Variants in MIA3 observed in about 807,000 individuals in gnomAD.
The protein encoded by MIA3 is transport and Golgi organization protein 1 homolog.
A neutral mutation model predicts 192.4 loss-of-function variants in MIA3; 90 were observed. The observed-to-expected ratio is 0.47, with a 90% confidence interval of 0.39 to 0.56. The LOEUF (loss-of-function observed/expected upper bound fraction) is 0.56, where lower values mean the gene tolerates loss of function less well. Ranked by LOEUF, MIA3 falls within the 20% of genes least tolerant of loss-of-function variation. MIA3 has a pLI of 0.00. For missense variants in MIA3, 2,123 were observed against 2,269.4 expected (o/e 0.94, Z 1.31); for synonymous variants, 740 against 792.8 (o/e 0.93, Z 1.12).
At chr1:222,661,842 AT>A (rs1285343553) in intron 24 of MIA3, among the ~76,000 whole-genome samples, 1 of 152,218 alleles carries the variant, frequency 6.6e-6, no homozygotes, top group Non-Finnish European at 1.5e-5. Flanking sequence ...AACCAGAGCC[AT>A]TAATGTGCAG....
chr1:222,650,355 A>C lies in MIA3; in HGVS notation c.3695A>C (p.Gln1232Pro), dbSNP rs1317848875. ...ATGAAAGAAAATACAGAACTTGTAC[A>C]AAAATTGTCAAATTATGAACAGAAG... Reference protein sequence around the residue: ...TIMKENTELVQKLSNYEQKIK... With the variant: ...TIMKENTELVPKLSNYEQKIK... The change falls in exon 9 of 28, where the codon CAA (glutamine) becomes CCA (proline). Residue 1232 changes from glutamine to proline, a missense_variant. Coordinates refer to ENST00000344922, the MANE Select transcript of MIA3 (RefSeq NM_198551.4). 6.3e-7 allele frequency: 1 copy of C among 1,593,260 alleles called. No homozygotes were observed. The highest frequency in any genetic ancestry group is 1.3e-5 in the African/African-American group (1 of 74,298).
At position 222,636,506 on chromosome 1, in the gene MIA3, C is replaced by CTTT. The variant is rs34208115; in HGVS notation, c.3477+3279_3477+3281dup. On this transcript the variant is annotated intron_variant, in intron 6 of 27. Coordinates refer to ENST00000344922, the MANE Select transcript of MIA3 (RefSeq NM_198551.4). ...AACTCTACTTGTTCCTAGTGTCCATCTTTTTTTTTTTTTTTTTTTTTTTTG... is the reference window on the plus strand; with the variant it reads ...AACTCTACTTGTTCCTAGTGTCCATCTTTTTTTTTTTTTTTTTTTTTTTTTTTG... 1.9e-3 allele frequency among the ~76,000 whole-genome samples: 141 copies of CTTT among 74,006 alleles called. 1 individual carries two copies. The highest frequency in any genetic ancestry group is 3.1e-3 in the African/African-American group (73 of 23,358). 48.6% of individuals were successfully genotyped at this position (74,006 alleles called of 152,430 possible).
chr1:222,655,788 A>G (rs889311210), intron 18 of MIA3, among the ~76,000 whole-genome samples: 1 of 151,948 alleles, frequency 6.6e-6, no homozygotes, highest in Non-Finnish European at 1.5e-5. Context: ...TTTCTTCGTG[A>G]TACAGTTAAC....
Position 222,618,134 on chromosome 1 carries a change from C to T in MIA3, c.24C>T (p.Leu8=). 2.0e-6 allele frequency: 3 copies of T among 1,503,682 alleles called. No homozygotes were observed. Among genetic ancestry groups the T allele is most frequent in the Non-Finnish European group, 2.7e-6 (3 of 1,129,176 alleles). The allele number at this position is 1,503,682 out of a possible 1,614,324, so 93.1% of individuals were successfully genotyped here. A position where few individuals can be genotyped will look rare whatever the true frequency, so the allele number is the denominator to read the frequency against. Residue 8 remains leucine, a synonymous_variant, in exon 1 of 28, where the codon CTC becomes CTT. Coordinates refer to ENST00000344922, the MANE Select transcript of MIA3 (RefSeq NM_198551.4). The part of the protein sequence containing the change: MAAAPGL[L]VWLLVLRLPW... ...ACATGGCTGCGGCGCCTGGGCTGCTCGTCTGGCTGCTCGTGCTCCGGCTGC... is the reference window on the plus strand; with the variant it reads ...ACATGGCTGCGGCGCCTGGGCTGCTTGTCTGGCTGCTCGTGCTCCGGCTGC...
chr1:222,625,237 C>T (rs1662057917), intron 3 of MIA3, among the ~76,000 whole-genome samples: 1 of 152,164 alleles, frequency 6.6e-6, no homozygotes. Flanking sequence ...GATCTCCTGA[C>T]CTCATGATCC....
At chr1:222,660,558 C>G (rs185480805) in intron 24 of MIA3, 37 of 281,548 alleles carry the variant, frequency 1.3e-4, no homozygotes, top group African/African-American at 8.0e-4. Context: ...AGTGTAAGCC[C>G]TTATCTTTCA....
intron 6 of MIA3, chr1:222,644,442 G>A (rs1049208499): frequency 6.5e-7 from 1 of 1,550,312 alleles, no homozygotes; most frequent in South Asian, 1.2e-5. Context: ...CCATTCCGCA[G>A]GGAATTGTCG....
intron 3 of MIA3, among the ~76,000 whole-genome samples, chr1:222,626,847 A>G (rs990826258): frequency 5.3e-5 from 8 of 152,218 alleles, no homozygotes; most frequent in Non-Finnish European, 1.2e-4. Context: ...ATGTAGACTG[A>G]GAGCCTGACA....
chr1:222,655,611 T>G (rs1446737700), intron 18 of MIA3, among the ~76,000 whole-genome samples: 1 of 152,226 alleles, frequency 6.6e-6, no homozygotes, highest in Non-Finnish European at 1.5e-5. Context: ...TTTTCTCTAA[T>G]TCTTTGCTCA....
At chr1:222,651,424 G>T (rs193229831) in intron 11 of MIA3, among the ~76,000 whole-genome samples, 197 of 150,376 alleles carry the variant, frequency 1.3e-3, no homozygotes, top group African/African-American at 4.5e-3. Context: ...TTGGAAGGAA[G>T]TTACTATCGC....
chr1:222,634,078 G>C (rs1662526054), intron 6 of MIA3, among the ~76,000 whole-genome samples: 2 of 152,178 alleles, frequency 1.3e-5, no homozygotes, highest in Non-Finnish European at 2.9e-5. Context: ...CTGAGCCCAT[G>C]GGAGCTGCCC....
chr1:222,627,455 C>T (rs775836454), intron 3 of MIA3, 120 bp from the exon 4 acceptor site: 67 of 852,004 alleles, frequency 7.9e-5, no homozygotes, highest in Admixed American at 2.3e-4. Flanking sequence ...CCAGTGTTGA[C>T]GCAAAAGCTC....
At position 222,627,607 on chromosome 1, in the gene MIA3, A is replaced by C; in HGVS notation, c.387A>C (p.Arg129Ser). 1 of 1,579,808 alleles carries C rather than the reference A, an allele frequency of 6.3e-7. No homozygotes were observed. Among genetic ancestry groups the C allele is most frequent in the East Asian group, 2.2e-5 (1 of 44,724 alleles). ...ETDFVCFDGG[R>S]DDFHNYNVEE... The stretch of plus-strand genomic sequence containing the variant: ...ATTTTGTTTGTTTTGATGGAGGAAG[A>C]GATGATTTTCATAATTATAATGTAG... Residue 129 changes from arginine to serine, a missense_variant, in exon 4 of 28, where the codon AGA (arginine) becomes AGC (serine). By Grantham distance (110) the Arg-to-Ser change is moderately radical. Around this residue, in one of 3 missense-constraint regions of MIA3, gnomAD observed 1,357 missense variants for 1,396.1 expected, o/e 0.97. Coordinates refer to ENST00000344922, the MANE Select transcript of MIA3 (RefSeq NM_198551.4).
intron 1 of MIA3, 106 bp downstream of exon 1, chr1:222,618,349 A>G (rs1341748816): frequency 4.1e-5 from 47 of 1,133,200 alleles, no homozygotes; most frequent in Admixed American, 4.4e-5. Context: ...CGGGGACGGG[A>G]GTTCCGCAGC....
At chr1:222,638,543 C>A (rs992229471) in intron 6 of MIA3, among the ~76,000 whole-genome samples, 1 of 151,856 alleles carries the variant, frequency 6.6e-6, no homozygotes, top group Non-Finnish European at 1.5e-5. Context: ...CACACACACA[C>A]ACACACAGCT....
At chr1:222,644,604 C>T in intron 6 of MIA3, 2 of 1,550,358 alleles carry the variant, frequency 1.3e-6, no homozygotes, top group Non-Finnish European at 1.7e-6. Context: ...TCCCGATTCC[C>T]GGGGAGGGAC....
chr1:222,633,957 C>A (rs990150323), intron 6 of MIA3, among the ~76,000 whole-genome samples: 1 of 151,744 alleles, frequency 6.6e-6, no homozygotes, highest in Non-Finnish European at 1.5e-5. Context: ...CTCAGGCGAT[C>A]CTCCTGCTTC....
chr1:222,618,303 C>A, intron 1 of MIA3, 60 bp downstream of exon 1: 1 of 1,284,156 alleles, frequency 7.8e-7, no homozygotes, highest in Non-Finnish European at 9.9e-7. Flanking sequence ...CTCCGCCGGC[C>A]CCGGGGGTCT....
chr1:222,651,922 C>A, intron 11 of MIA3, 55 bp from the exon 12 acceptor site: 1 of 940,888 alleles, frequency 1.1e-6, no homozygotes, highest in South Asian at 1.3e-5. Flanking sequence ...GTATGTATCC[C>A]AGTGTTTCTA....
Sources: allele counts gnomAD v4.1 joint callset (sites outside exome capture counted in the v4.1 genomes callset), GRCh38; gene constraint gnomAD v4.1.1; regional missense constraint gnomAD v4.1.1; transcripts MANE v1.5; gene names NCBI Gene and HGNC (gene_info 2026-07-23, HGNC 2026-07-21).